The following DLG2 variants were observed in gnomAD, a reference collection of about 807,000 sequenced individuals.
The protein encoded by DLG2 is disks large homolog 2.
Under a neutral mutation model 132.5 loss-of-function variants are expected in DLG2, and 45 were observed. That is an observed-to-expected ratio of 0.34 (90% CI 0.27 to 0.44). The LOEUF (loss-of-function observed/expected upper bound fraction) is 0.44, where lower values mean the gene tolerates loss of function less well. DLG2 is among the 20% of genes least tolerant of loss of function. The pLI is 1.00. For missense variants in DLG2, 1,045 were observed against 1,196.9 expected (o/e 0.87, Z 1.87); for synonymous variants, 424 against 419.6 (o/e 1.01, Z -0.13).
intron 7 of DLG2, among the ~76,000 whole-genome samples, chr11:84,381,619 T>TA (rs2098749383): frequency 6.6e-6 from 1 of 152,176 alleles, no homozygotes; most frequent in Non-Finnish European, 1.5e-5. Context: ...TTAGTAGTGA[T>TA]AAAATATGTA....
intron 6 of DLG2, among the ~76,000 whole-genome samples, chr11:84,669,815 T>G (rs2099703784): frequency 6.6e-6 from 1 of 152,164 alleles, no homozygotes; most frequent in Admixed American, 6.5e-5. Flanking sequence ...TTGGAGATCC[T>G]CCATGACCTC....
chr11:84,435,872 T>C (rs1279536592), intron 7 of DLG2, among the ~76,000 whole-genome samples: 1 of 152,126 alleles, frequency 6.6e-6, no homozygotes, highest in Non-Finnish European at 1.5e-5. Flanking sequence ...TTTCTTTGCA[T>C]ACTAATTTGG....
chr11:85,398,628 C>A (rs1418916496), intron 3 of DLG2, among the ~76,000 whole-genome samples: 1 of 151,988 alleles, frequency 6.6e-6, no homozygotes, highest in African/African-American at 2.4e-5. Context: ...TACAAACTAC[C>A]ATCAGAGAAT....
intron 6 of DLG2, among the ~76,000 whole-genome samples, chr11:84,659,427 C>G (rs541877026): frequency 1.3e-5 from 2 of 152,138 alleles, no homozygotes; most frequent in South Asian, 4.2e-4. Context: ...TCTTGACTAC[C>G]AATAAACTTC....
chr11:84,863,009 C>T (rs1054696002), intron 6 of DLG2, among the ~76,000 whole-genome samples: 9 of 151,954 alleles, frequency 5.9e-5, no homozygotes, highest in African/African-American at 2.2e-4. Context: ...CTGCTTCTCT[C>T]CCACCAACTC....
chr11:84,522,078 G>A (rs1217167702), intron 7 of DLG2, among the ~76,000 whole-genome samples: 1 of 151,716 alleles, frequency 6.6e-6, no homozygotes, highest in East Asian at 1.9e-4. Context: ...TGAAGCAGGC[G>A]AATCACTTGA....
At chr11:83,926,764 T>A (rs117360445) in intron 15 of DLG2, among the ~76,000 whole-genome samples, 1 of 152,240 alleles carries the variant, frequency 6.6e-6, no homozygotes, top group East Asian at 1.9e-4. Flanking sequence ...TCCGAGGGTC[T>A]ATATGTTATT....
chr11:84,469,774 T>C (rs1483232293), intron 7 of DLG2, among the ~76,000 whole-genome samples: 3 of 150,998 alleles, frequency 2.0e-5, no homozygotes, highest in African/African-American at 4.9e-5. Context: ...TAGAACTCTA[T>C]GGAAAGACAA....
At chr11:83,469,107 A>G in intron 25 of DLG2, 94 bp downstream of exon 25, 1 of 914,064 alleles carries the variant, frequency 1.1e-6, no homozygotes, top group Non-Finnish European at 1.6e-6. Flanking sequence ...TACAATTGCA[A>G]TCAAGAAAGA....
chr11:84,629,945 A>T (rs2099628757), intron 6 of DLG2, among the ~76,000 whole-genome samples: 1 of 152,076 alleles, frequency 6.6e-6, no homozygotes, highest in Non-Finnish European at 1.5e-5. Context: ...AATAAATATA[A>T]AACACCTCCA....
chr11:85,316,455 T>A (rs1022495262), intron 3 of DLG2, among the ~76,000 whole-genome samples: 10 of 151,984 alleles, frequency 6.6e-5, no homozygotes, highest in African/African-American at 2.4e-4. Flanking sequence ...GGGATTAATA[T>A]ATTACCTCAA....
chr11:84,205,437 T>A (rs1303300154), intron 8 of DLG2, among the ~76,000 whole-genome samples: 2 of 152,122 alleles, frequency 1.3e-5, no homozygotes, highest in Non-Finnish European at 2.9e-5. Flanking sequence ...ACAGATTCTT[T>A]TTAAGCACAC....
At chr11:85,156,628 A>C (rs1266710090) in intron 4 of DLG2, among the ~76,000 whole-genome samples, 1 of 152,216 alleles carries the variant, frequency 6.6e-6, no homozygotes, top group Non-Finnish European at 1.5e-5. Flanking sequence ...AGATGTACAT[A>C]GTAAGGACCT....
chr11:83,710,789 G>A (rs1441370329), intron 18 of DLG2, among the ~76,000 whole-genome samples: 1 of 152,110 alleles, frequency 6.6e-6, no homozygotes, highest in East Asian at 1.9e-4. Context: ...CTAGTAGCGA[G>A]AAGAAGCTGA....
chr11:83,824,257 C>T (rs1196995269), intron 17 of DLG2, among the ~76,000 whole-genome samples: 3 of 152,116 alleles, frequency 2.0e-5, no homozygotes, highest in Non-Finnish European at 2.9e-5. Flanking sequence ...TTCTTACTTC[C>T]CCAGGCTGAG....
In DLG2 at chr11:84,390,810, C is replaced by T. The variant is rs903116615; in HGVS notation, c.520-139519G>A. The stretch of plus-strand genomic sequence containing the variant: ...GGTGATACCATGGTAACCATAAAAT[C>T]TCAGCGGCTTACCATGTGGACAGTT... On this transcript the variant is annotated intron_variant, in intron 7 of 27. Transcript: ENST00000376104. 3.9e-5 allele frequency among the ~76,000 whole-genome samples: 6 copies of T among 152,124 alleles called. No individual in the cohort carries two copies. In the East Asian group the frequency reaches 9.6e-4, roughly 24 times the overall value.
chr11:84,032,264 T>A (rs1334497044), intron 11 of DLG2, among the ~76,000 whole-genome samples: 2 of 152,172 alleles, frequency 1.3e-5, no homozygotes, highest in African/African-American at 4.8e-5. Context: ...AGGCCTCCTA[T>A]GCCAAACAGC....
chr11:83,577,774 T>G (rs1269923242), intron 19 of DLG2, among the ~76,000 whole-genome samples: 8 of 126,784 alleles, frequency 6.3e-5, no homozygotes, highest in Non-Finnish European at 1.3e-4. Context: ...ATTAAAAATA[T>G]TAAATATATT....
chr11:84,789,273 C>T (rs1248202179), intron 6 of DLG2, among the ~76,000 whole-genome samples: 1 of 152,180 alleles, frequency 6.6e-6, no homozygotes, highest in Non-Finnish European at 1.5e-5. Context: ...CTCATAATGG[C>T]TGCAGTGATC....
Sources: gnomAD v4.1 joint callset for allele counts (sites outside exome capture counted in the v4.1 genomes callset) on GRCh38, gnomAD v4.1.1 for gene constraint, MANE v1.5 for transcripts, NCBI Gene and HGNC (gene_info 2026-07-23, HGNC 2026-07-21) for gene names.